Variants in PHF19 observed in about 807,000 individuals in gnomAD.
The protein encoded by PHF19 is PHD finger protein 19.
A neutral mutation model predicts 79.8 loss-of-function variants in PHF19; 21 were observed. The ratio of observed to expected loss-of-function variants is 0.26; its 90% CI spans 0.19 to 0.38. PHF19 has a LOEUF of 0.38. Ranked by LOEUF, PHF19 falls within the 10% of genes least tolerant of loss-of-function variation. The pLI is 1.00. For missense variants in PHF19, 445 were observed against 744.2 expected (o/e 0.60, Z 4.68); for synonymous variants, 273 against 296.3 (o/e 0.92, Z 0.81).
upstream of PHF19, among the ~76,000 whole-genome samples, chr9:120,896,445 TTTTTTC>T (rs2046402217): frequency 1.6e-5 from 2 of 128,056 alleles, no homozygotes; most frequent in Non-Finnish European, 3.2e-5. Context: ...TTCTTTTTTT[TTTTTTC>T]TTTTTTTTTT....
intron 1 of PHF19, among the ~76,000 whole-genome samples, chr9:120,890,639 C>A (rs540295345): frequency 6.6e-6 from 1 of 152,266 alleles, no homozygotes; most frequent in African/African-American, 2.4e-5. Flanking sequence ...CACACGCAAT[C>A]TTTGATTCAA....
the PHF19 span, among the ~76,000 whole-genome samples, chr9:120,902,213 G>C: frequency 6.6e-6 from 1 of 152,120 alleles, no homozygotes; most frequent in Non-Finnish European, 1.5e-5. Flanking sequence ...TGATGCTCAG[G>C]CTTTATCACT....
chr9:120,881,138 A>G (rs951776493), upstream of PHF19, among the ~76,000 whole-genome samples: 5 of 121,188 alleles, frequency 4.1e-5, no homozygotes, highest in Non-Finnish European at 6.7e-5. Flanking sequence ...AAGGAAGCAC[A>G]TCGGGGGTTT....
intron 1 of PHF19, among the ~76,000 whole-genome samples, chr9:120,894,154 AC>A (rs1329640430): frequency 6.6e-6 from 1 of 152,194 alleles, no homozygotes; most frequent in African/African-American, 2.4e-5. Flanking sequence ...TGGAAGGGCC[AC>A]GAGATGAACG....
intron 12 of PHF19, 52 bp downstream of exon 12, chr9:120,861,866 T>C (rs2045537578): frequency 4.7e-6 from 6 of 1,276,296 alleles, no homozygotes; most frequent in South Asian, 1.2e-5. Flanking sequence ...GAAGCCCTAA[T>C]ATGTGCTGAC....
upstream of PHF19, chr9:120,877,416 T>G (rs953589575): frequency 2.2e-6 from 2 of 919,756 alleles, no homozygotes; most frequent in African/African-American, 1.8e-5. Context: ...GCCGCCGGGC[T>G]CCGCAGCGCC....
intron 1 of PHF19, chr9:120,876,189 CT>C (rs1273802732): frequency 6.5e-6 from 1 of 152,968 alleles, no homozygotes; most frequent in Non-Finnish European, 1.5e-5. Flanking sequence ...TGGCCACGAC[CT>C]TCTCCACCCC....
intron 12 of PHF19, 146 bp downstream of exon 12, chr9:120,861,772 C>A: frequency 1.4e-6 from 1 of 708,628 alleles, no homozygotes; most frequent in South Asian, 1.6e-5. Context: ...TCTTAGAGTG[C>A]CTGGCTTAGC....
the PHF19 span, among the ~76,000 whole-genome samples, chr9:120,900,031 G>C: frequency 2.0e-5 from 3 of 151,934 alleles, no homozygotes; most frequent in Non-Finnish European, 4.4e-5. Context: ...CTGTCACCCA[G>C]GCTGAAGTGC....
intron 1 of PHF19, among the ~76,000 whole-genome samples, chr9:120,883,320 C>T (rs2046215261): frequency 6.6e-6 from 1 of 152,178 alleles, no homozygotes; most frequent in African/African-American, 2.4e-5. Flanking sequence ...ATTTTAGTCT[C>T]CCCATCTGTT....
chr9:120,880,786 C>T (rs1795747427), upstream of PHF19, among the ~76,000 whole-genome samples: 1 of 151,836 alleles, frequency 6.6e-6, no homozygotes, highest in Admixed American at 6.6e-5. Context: ...ATGGCGAAAC[C>T]CTATCTCTAC....
At chr9:120,902,152 A>G in the PHF19 span, among the ~76,000 whole-genome samples, 1 of 152,180 alleles carries the variant, frequency 6.6e-6, no homozygotes, top group Non-Finnish European at 1.5e-5. Flanking sequence ...CCCGTTGCCA[A>G]CTGAAGCATC....
At position 120,857,478 on chromosome 9, in the gene PHF19, G is replaced by T. The variant is rs1438766145; in HGVS notation, c.*466C>A. On this transcript the variant is annotated 3_prime_UTR_variant, in exon 15 of 15. Transcript: ENST00000373896. ...CCACCTTCTCCCATGCTCTCTCAAA[G>T]GTGCCTGTTATGTAGTCCCTGGGAG... 1 of 156,982 alleles carries T rather than the reference G, an allele frequency of 6.4e-6. No individual in the cohort carries two copies. Among genetic ancestry groups the T allele is most frequent in the Non-Finnish European group, 1.4e-5 (1 of 71,518 alleles). 9.7% of individuals were successfully genotyped at this position (156,982 alleles called of 1,614,324 possible). A position where few individuals can be genotyped will look rare whatever the true frequency, so the allele number is the denominator to read the frequency against.
intron 1 of PHF19, among the ~76,000 whole-genome samples, chr9:120,885,407 G>T (rs547760944): frequency 5.9e-5 from 9 of 151,994 alleles, no homozygotes; most frequent in Non-Finnish European, 1.3e-4. Flanking sequence ...GTGAAACCTC[G>T]TCTCTACTAA....
chr9:120,886,109 CA>C (rs2046258992), intron 1 of PHF19, among the ~76,000 whole-genome samples: 1 of 152,206 alleles, frequency 6.6e-6, no homozygotes, highest in Non-Finnish European at 1.5e-5. Context: ...GATTACAATT[CA>C]AAGTCCCAGA....
At position 120,874,479 on chromosome 9, in the gene PHF19, CT is replaced by C. The variant is rs2045989980; in HGVS notation, c.186+76del. 1 of 996,704 alleles carries C rather than the reference CT, an allele frequency of 1.0e-6. No individual in the cohort carries two copies. Among genetic ancestry groups the C allele is most frequent in the African/African-American group, 1.6e-5 (1 of 62,878 alleles). The allele number at this position is 996,704 out of a possible 1,614,324, so 61.7% of individuals were successfully genotyped here. ...AATTCTCCAGCAATCCCCCTGCCCC[CT>C]GGTCTGACAGCCAGGCTGGAACATG... On this transcript the variant is annotated intron_variant, in intron 2 of 14. Transcript: ENST00000373896. The surrounding 1 kb of genome is among the most constrained non-coding windows in gnomAD (Gnocchi z 4.5).
the PHF19 span, chr9:120,903,734 G>A: frequency 1.3e-5 from 2 of 152,286 alleles, no homozygotes; most frequent in African/African-American, 4.8e-5. Context: ...TCTCCAGTCT[G>A]TCCTGCGTGG....
Position 120,865,798 on chromosome 9 carries a change from A to G in PHF19, c.812T>C (p.Leu271Pro). 2 of 1,614,074 alleles carry G rather than the reference A, an allele frequency of 1.2e-6. No homozygotes were observed. The highest frequency in any genetic ancestry group is 1.7e-6 in the Non-Finnish European group (2 of 1,179,994). ...VDVVHLALYN[L>P]GVQSKKKYFD... Reference sequence around the variant, plus strand: ...GTACTTCTTCTTGCTCTGTACCCCCAGATTATAGAGGGCCAGGTGAACCAC... The same window carrying G: ...GTACTTCTTCTTGCTCTGTACCCCCGGATTATAGAGGGCCAGGTGAACCAC... The change falls in exon 9 of 15, where the codon CTG becomes CCG. Residue 271 changes from leucine (L) to proline (P), a missense_variant. This residue lies in a region of PHF19 where 167 missense variants were observed against 375.8 expected (regional missense o/e 0.44). Coordinates refer to ENST00000373896, the MANE Select transcript of PHF19 (RefSeq NM_015651.3).
In PHF19 at chr9:120,874,135, C is replaced by T; in HGVS notation, c.187-75G>A. On this transcript the variant is annotated intron_variant, in intron 2 of 14. Transcript: ENST00000373896. This position sits in a 1 kb window ranked among gnomAD's most constrained non-coding sequence, Gnocchi z 4.5. ...AACCTGGAACATAGTCTTCCTCCCC[C>T]ATTTTTGTCTCCGTATGTTCCAGAA... The T allele has an allele frequency of 1.3e-6, 1 of 781,090 alleles. No individual in the cohort carries two copies. The highest frequency in any genetic ancestry group is 2.2e-6 in the Non-Finnish European group (1 of 448,560). The allele number at this position is 781,090 out of a possible 1,614,324, so 48.4% of individuals were successfully genotyped here. A position where few individuals can be genotyped will look rare whatever the true frequency, so the allele number is the denominator to read the frequency against.
Sources: allele counts gnomAD v4.1 joint callset (sites outside exome capture counted in the v4.1 genomes callset), GRCh38; gene constraint gnomAD v4.1.1; regional missense constraint gnomAD v4.1.1; non-coding constraint Gnocchi (gnomAD v3.1); transcripts MANE v1.5; gene names NCBI Gene and HGNC (gene_info 2026-07-23, HGNC 2026-07-21).